The following NIPA1 variants were observed in gnomAD, a reference collection of about 807,000 sequenced individuals.
NIPA1 encodes the protein magnesium transporter NIPA1.
NIPA1 carries 13 observed loss-of-function variants against 23.9 expected under a neutral mutation model. The ratio of observed to expected loss-of-function variants is 0.54; its 90% CI spans 0.35 to 0.87. NIPA1 has a LOEUF of 0.87. Among genes scored for constraint, NIPA1 ranks in the 40% least tolerant of loss-of-function variants. NIPA1 has a pLI of 0.01. For synonymous variants in NIPA1, 234 were observed against 202.9 expected, an observed-to-expected ratio of 1.15 and a Z score of -1.30; for missense variants, 362 against 429.7, an observed-to-expected ratio of 0.84 and a Z score of 1.39.
chr15:22,819,348 C>T (rs540404655), intron 3 of NIPA1: 1 of 152,260 alleles, frequency 6.6e-6, no homozygotes, highest in Admixed American at 6.5e-5. Context: ...CCGGACGTTC[C>T]TGTTTTCTGA....
intron 1 of NIPA1, among the ~76,000 whole-genome samples, chr15:22,805,834 C>G (rs929659604): frequency 6.6e-6 from 1 of 152,070 alleles, no homozygotes; most frequent in Admixed American, 6.6e-5. Context: ...TGGAAGCAAT[C>G]TTTTTGTGGA....
chr15:22,812,662 A>T (rs1488676317), intron 3 of NIPA1, among the ~76,000 whole-genome samples: 2 of 152,020 alleles, frequency 1.3e-5, no homozygotes, highest in African/African-American at 4.8e-5. Context: ...TAAAAAAAAA[A>T]AAGAAGATAG....
At chr15:22,800,285 C>G (rs1192156051) in intron 1 of NIPA1, among the ~76,000 whole-genome samples, 2 of 152,160 alleles carry the variant, frequency 1.3e-5, no homozygotes, top group African/African-American at 2.4e-5. Context: ...ATTACCATTT[C>G]ATCTGCATAT....
At chr15:22,803,453 G>C (rs1254217181) in intron 1 of NIPA1, among the ~76,000 whole-genome samples, 8 of 150,572 alleles carry the variant, frequency 5.3e-5, no homozygotes, top group Admixed American at 5.3e-4. Flanking sequence ...CAGATACAGG[G>C]ATTGGAAATA....
chr15:22,803,131 AT>A (rs1453084381), intron 1 of NIPA1, among the ~76,000 whole-genome samples: 1 of 151,322 alleles, frequency 6.6e-6, no homozygotes, highest in African/African-American at 2.4e-5. Context: ...TAAGTTTTGT[AT>A]TTTTAGTAGA....
chr15:22,824,232 C>G lies in NIPA1; in HGVS notation c.983C>G (p.Thr328Arg). The change falls in exon 5 of 5, where the codon ACA becomes AGA. Residue 328 changes from threonine (T) to arginine (R), a missense_variant. Thr to Arg is a moderately conservative substitution (Grantham distance 71). Around this residue, in one of 2 missense-constraint regions of NIPA1, gnomAD observed 277 missense variants for 372.0 expected, o/e 0.74. Transcript: ENST00000337435. The surrounding 1 kb of genome is among the most constrained non-coding windows in gnomAD (Gnocchi z 4.1). Reference protein sequence around the residue: ...LGEMNKSNMKTD With the variant: ...LGEMNKSNMKRD ...GAGATGAACAAATCTAATATGAAAACAGACTAGATTGCAATAGGAGCTTGG... is the reference window on the plus strand; with the variant it reads ...GAGATGAACAAATCTAATATGAAAAGAGACTAGATTGCAATAGGAGCTTGG... 6.2e-7 allele frequency: 1 copy of G among 1,613,082 alleles called. No individual in the cohort carries two copies. Among genetic ancestry groups the G allele is most frequent in the Non-Finnish European group, 8.5e-7 (1 of 1,179,006 alleles).
upstream of NIPA1, chr15:22,786,393 C>T (rs1256010157): frequency 1.3e-5 from 2 of 155,442 alleles, no homozygotes; most frequent in African/African-American, 4.8e-5. Flanking sequence ...AACCAGGAGT[C>T]CTGCATTTCC....
At chr15:22,790,987 T>G (rs528035928) in intron 1 of NIPA1, among the ~76,000 whole-genome samples, 37 of 152,234 alleles carry the variant, frequency 2.4e-4, no homozygotes, top group African/African-American at 5.1e-4. Flanking sequence ...ATTTTTTAAA[T>G]TTTTGGATGG....
intron 1 of NIPA1, among the ~76,000 whole-genome samples, chr15:22,807,574 G>A (rs937117217): frequency 4.0e-5 from 6 of 151,664 alleles, no homozygotes; most frequent in Admixed American, 2.6e-4. Context: ...GCAACAGAGT[G>A]AGACCCTGTC....
chr15:22,811,333 C>A (rs1895310192), intron 2 of NIPA1, among the ~76,000 whole-genome samples: 1 of 152,108 alleles, frequency 6.6e-6, no homozygotes, highest in South Asian at 2.1e-4. Flanking sequence ...TTTGGCCAGG[C>A]ATGGTGGCTC....
At chr15:22,800,064 C>G (rs1895042721) in intron 1 of NIPA1, among the ~76,000 whole-genome samples, 1 of 150,068 alleles carries the variant, frequency 6.7e-6, no homozygotes, top group African/African-American at 2.5e-5. Flanking sequence ...CTGTTGGGTA[C>G]TATGTGCACT....
intron 3 of NIPA1, among the ~76,000 whole-genome samples, chr15:22,815,622 GC>G (rs1895400250): frequency 7.9e-6 from 1 of 126,972 alleles, no homozygotes; most frequent in African/African-American, 2.9e-5. Flanking sequence ...TCCCTCCCCC[GC>G]CCCCCAAAAA....
chr15:22,796,862 A>G (rs900136956), intron 1 of NIPA1, among the ~76,000 whole-genome samples: 3 of 152,126 alleles, frequency 2.0e-5, no homozygotes, highest in Non-Finnish European at 4.4e-5. Flanking sequence ...ATAATTATTC[A>G]GCAGAGTATA....
chr15:22,790,403 G>A (rs1445354736), intron 1 of NIPA1, among the ~76,000 whole-genome samples: 7 of 149,104 alleles, frequency 4.7e-5, no homozygotes, highest in Admixed American at 2.0e-4. Flanking sequence ...TGATCCTCCC[G>A]CCTCGGCCTC....
chr15:22,796,891 T>G (rs770919449), intron 1 of NIPA1, among the ~76,000 whole-genome samples: 3 of 152,170 alleles, frequency 2.0e-5, no homozygotes, highest in Non-Finnish European at 2.9e-5. Context: ...TTCCAGAACC[T>G]AGGCTTAGTC....
At chr15:22,823,639 G>A in intron 4 of NIPA1, 89 bp from the exon 5 acceptor site, 1 of 1,409,406 alleles carries the variant, frequency 7.1e-7, no homozygotes, top group Non-Finnish European at 9.7e-7. Flanking sequence ...CGGGTGGCGG[G>A]TGGGGGCCCG....
chr15:22,801,343 C>CTA (rs1895073698), intron 1 of NIPA1, among the ~76,000 whole-genome samples: 1 of 151,988 alleles, frequency 6.6e-6, no homozygotes, highest in Admixed American at 6.6e-5. Context: ...TACTTGACAT[C>CTA]TACCCGTCAT....
At position 22,827,825 on chromosome 15, in the gene NIPA1, A is replaced by G. The variant is rs2140880637; in HGVS notation, c.*3586A>G. 1 of 152,224 alleles carries G rather than the reference A, an allele frequency of 6.6e-6. No individual in the cohort carries two copies. The highest frequency in any genetic ancestry group is 6.5e-5 in the Admixed American group (1 of 15,286). The allele number at this position is 152,224 out of a possible 1,614,324, so 9.4% of individuals were successfully genotyped here. ...GAGATGCAGTGTCTCCCAGGTGTGC[A>G]CGGACACCTGGTCCGTGGAAACAGG... On this transcript the variant is annotated 3_prime_UTR_variant, in exon 5 of 5. Coordinates refer to ENST00000337435, the MANE Select transcript of NIPA1 (RefSeq NM_144599.5).
chr15:22,795,269 T>C (rs1203296753), intron 1 of NIPA1, among the ~76,000 whole-genome samples: 1 of 152,010 alleles, frequency 6.6e-6, no homozygotes, highest in Non-Finnish European at 1.5e-5. Context: ...CTTAATGCTG[T>C]TTCCATCAGA....
Sources: allele counts gnomAD v4.1 joint callset (sites outside exome capture counted in the v4.1 genomes callset), GRCh38; gene constraint gnomAD v4.1.1; regional missense constraint gnomAD v4.1.1; non-coding constraint Gnocchi (gnomAD v3.1); transcripts MANE v1.5; gene names NCBI Gene and HGNC (gene_info 2026-07-23, HGNC 2026-07-21).